The following PPP2R1A variants were observed in gnomAD, a reference collection of about 807,000 sequenced individuals.
PPP2R1A encodes the protein serine/threonine-protein phosphatase 2A 65 kDa regulatory subunit A alpha isoform.
In PPP2R1A, 15 loss-of-function variants were observed where a neutral mutation model predicts 67.1. The observed-to-expected ratio is 0.22, with a 90% CI of 0.15 to 0.34. The LOEUF is 0.34. Among genes scored for constraint, PPP2R1A ranks in the 10% least tolerant of loss-of-function variants. The pLI is 1.00. For missense variants in PPP2R1A, 369 were observed against 775.0 expected (o/e 0.48, Z 6.22); for synonymous variants, 337 against 325.0 (o/e 1.04, Z -0.40).
At chr19:52,200,618 C>T (rs1485968044) in intron 1 of PPP2R1A, among the ~76,000 whole-genome samples, 1 of 152,182 alleles carries the variant, frequency 6.6e-6, no homozygotes, top group Non-Finnish European at 1.5e-5. Flanking sequence ...TTTATTCTCT[C>T]ACAGTTCTGG....
rs2089668858 is a variant in PPP2R1A, at chr19:52,211,418, C to T, written c.429C>T (p.Ser143=). ...TGGCGGGCGGCGACTGGTTCACCTC[C>T]CGCACCTCGGCCTGCGGCCTCTTCT... The part of the protein sequence containing the change: ...KRLAGGDWFT[S]RTSACGLFSV... Residue 143 remains serine (S), a synonymous_variant, in exon 4 of 15, where the codon TCC becomes TCT. Transcript: ENST00000322088. This position sits in a 1 kb window ranked among gnomAD's most constrained non-coding sequence, Gnocchi z 5.3. 6.2e-7 allele frequency: 1 copy of T among 1,613,986 alleles called. No homozygotes were observed.
chr19:52,214,990 C>T (rs1332354566), intron 6 of PPP2R1A, among the ~76,000 whole-genome samples: 7 of 152,114 alleles, frequency 4.6e-5, no homozygotes, highest in Admixed American at 4.6e-4. Context: ...TCTCCCAAAG[C>T]GCTGGGATTA....
intron 1 of PPP2R1A, among the ~76,000 whole-genome samples, chr19:52,194,565 G>A (rs564332264): frequency 1.1e-3 from 165 of 152,194 alleles, no homozygotes; most frequent in Non-Finnish European, 1.9e-3. Flanking sequence ...CAGGACCAGT[G>A]TTAGCATGCA....
At position 52,212,495 on chromosome 19, in the gene PPP2R1A, C is replaced by T. The variant is rs2089679316; in HGVS notation, c.504-191C>T. On this transcript the variant is annotated intron_variant, in intron 4 of 14. Coordinates refer to ENST00000322088, the MANE Select transcript of PPP2R1A (RefSeq NM_014225.6). This position sits in a 1 kb window ranked among gnomAD's most constrained non-coding sequence, Gnocchi z 4.1. Reference sequence around the variant, plus strand: ...CTCACACACACTATTTTCATTTAAACCTCATGCGGACCTGTGGGGTAGGTA... The same window carrying T: ...CTCACACACACTATTTTCATTTAAATCTCATGCGGACCTGTGGGGTAGGTA... 1.6e-6 allele frequency: 1 copy of T among 623,018 alleles called. No individual in the cohort carries two copies. Among genetic ancestry groups the T allele is most frequent in the African/African-American group, 1.8e-5 (1 of 54,124 alleles). The allele number at this position is 623,018 out of a possible 1,614,324, so 38.6% of individuals were successfully genotyped here.
At chr19:52,192,988 A>G (rs958851942) in intron 1 of PPP2R1A, among the ~76,000 whole-genome samples, 2 of 152,264 alleles carry the variant, frequency 1.3e-5, no homozygotes, top group Non-Finnish European at 2.9e-5. Flanking sequence ...AACCCTTTGC[A>G]GGGAAAAAAT....
Position 52,216,868 on chromosome 19 carries a change from T to C in PPP2R1A, c.1128+205T>C, listed in dbSNP as rs1455003082. 1.3e-5 allele frequency among the ~76,000 whole-genome samples: 2 copies of C among 152,132 alleles called. No homozygotes were observed. Among genetic ancestry groups the C allele is most frequent in the Admixed American group, 1.3e-4 (2 of 15,272 alleles). On this transcript the variant is annotated intron_variant, in intron 9 of 14. Coordinates refer to ENST00000322088, the MANE Select transcript of PPP2R1A (RefSeq NM_014225.6). The surrounding 1 kb of genome is among the most constrained non-coding windows in gnomAD (Gnocchi z 4.3). The stretch of plus-strand genomic sequence containing the variant: ...CTCTTCATGAGGCCTTTCCTGGACA[T>C]GGAGGATATGAAAAATAGAAATTTA...
rs398035011 is a variant in PPP2R1A at position 52,213,457 on chromosome 19, G to GTTTTT, written c.807+373_807+377dup. 2.1e-4 allele frequency among the ~76,000 whole-genome samples: 15 copies of GTTTTT among 71,758 alleles called. No individual in the cohort carries two copies. The highest frequency in any genetic ancestry group is 3.8e-4 in the African/African-American group (7 of 18,374). 47.1% of individuals were successfully genotyped at this position (71,758 alleles called of 152,430 possible). ...GCCCAAAAAGGTGGGGTTTTTTGGT[G>GTTTTT]TTTTTTTTTTTTTTTTTTTTTTTTT... On this transcript the variant is annotated intron_variant, in intron 6 of 14. Transcript: ENST00000322088. This position sits in a 1 kb window ranked among gnomAD's most constrained non-coding sequence, Gnocchi z 4.2.
Position 52,222,100 on chromosome 19 carries a change from T to A in PPP2R1A, c.1520T>A (p.Val507Glu), listed in dbSNP as rs1978970542. 6.2e-7 allele frequency: 1 copy of A among 1,609,584 alleles called. No individual in the cohort carries two copies. The highest frequency in any genetic ancestry group is 1.3e-5 in the African/African-American group (1 of 74,998). The change falls in exon 13 of 15, where the codon GTG becomes GAG. Residue 507 changes from valine (V) to glutamate (E), a missense_variant and splice_region_variant. Val to Glu is a moderately radical substitution (Grantham distance 121). Around this residue, in one of 2 missense-constraint regions of PPP2R1A, gnomAD observed 276 missense variants for 508.4 expected, o/e 0.54. Coordinates refer to ENST00000322088, the MANE Select transcript of PPP2R1A (RefSeq NM_014225.6). Reference sequence around the variant, plus strand: ...CCCCTGCCACTCACTGGCCCCCAGGTGCTGTCTGAGGTCTGTGGGCAGGAC... The same window carrying A: ...CCCCTGCCACTCACTGGCCCCCAGGAGCTGTCTGAGGTCTGTGGGCAGGAC... Reference protein sequence around the residue: ...HRMTTLFCINVLSEVCGQDIT... With the variant: ...HRMTTLFCINELSEVCGQDIT...
intron 3 of PPP2R1A, among the ~76,000 whole-genome samples, 170 bp downstream of exon 3, chr19:52,206,233 T>C (rs535118313): frequency 4.2e-4 from 64 of 152,272 alleles, no homozygotes; most frequent in Middle Eastern, 3.4e-3. Context: ...TTTAATATCG[T>C]GAACTCAGGG....
intron 3 of PPP2R1A, among the ~76,000 whole-genome samples, chr19:52,210,623 C>T (rs1181957194): frequency 6.6e-6 from 1 of 151,784 alleles, no homozygotes; most frequent in Admixed American, 6.6e-5. Context: ...TCCCGAGTAG[C>T]TGGGATTACA....
intron 2 of PPP2R1A, among the ~76,000 whole-genome samples, chr19:52,202,425 C>A (rs1006435238): frequency 6.6e-6 from 1 of 152,204 alleles, no homozygotes; most frequent in Non-Finnish European, 1.5e-5. Flanking sequence ...GATATGCTTA[C>A]TGTATGCCAG....
Position 52,212,566 on chromosome 19 carries a change from G to C in PPP2R1A, c.504-120G>C. On this transcript the variant is annotated intron_variant, in intron 4 of 14. Coordinates refer to ENST00000322088, the MANE Select transcript of PPP2R1A (RefSeq NM_014225.6). The surrounding 1 kb of genome is among the most constrained non-coding windows in gnomAD (Gnocchi z 4.1). Reference sequence around the variant, plus strand: ...TCATAGGGCTGGGAAGACAGAGAGGGGGTCATCACTTGCCCAAGGTCATTC... The same window carrying C: ...TCATAGGGCTGGGAAGACAGAGAGGCGGTCATCACTTGCCCAAGGTCATTC... 1 of 1,195,024 alleles carries C rather than the reference G, an allele frequency of 8.4e-7. No homozygotes were observed. The highest frequency in any genetic ancestry group is 1.2e-6 in the Non-Finnish European group (1 of 858,368). 74.0% of individuals were successfully genotyped at this position (1,195,024 alleles called of 1,614,324 possible). A position where few individuals can be genotyped will look rare whatever the true frequency, so the allele number is the denominator to read the frequency against.
chr19:52,221,369 G>C (rs1978916554), intron 12 of PPP2R1A, among the ~76,000 whole-genome samples: 1 of 152,128 alleles, frequency 6.6e-6, no homozygotes, highest in Non-Finnish European at 1.5e-5. Context: ...CCAGGGCCTG[G>C]GAGACTTGAC....
intron 6 of PPP2R1A, among the ~76,000 whole-genome samples, chr19:52,214,443 G>T (rs1221726031): frequency 6.6e-6 from 1 of 152,188 alleles, no homozygotes; most frequent in Non-Finnish European, 1.5e-5. Flanking sequence ...TGCATAAACT[G>T]TGTCACACTG....
chr19:52,226,427 T>C lies in PPP2R1A; in HGVS notation c.*446T>C, dbSNP rs954898939. 20 of 264,384 alleles carry C rather than the reference T, an allele frequency of 7.6e-5. No individual in the cohort carries two copies. In the South Asian group the frequency reaches 1.8e-3, roughly 23 times the overall value. 16.4% of individuals were successfully genotyped at this position (264,384 alleles called of 1,614,324 possible). On this transcript the variant is annotated 3_prime_UTR_variant, in exon 15 of 15. Transcript: ENST00000322088. Reference sequence around the variant, plus strand: ...ATAAAGGTCTAGAAGTAGTTGGTCCTCTGGCCTTAGTCATCAGCTTGGAGG... The same window carrying C: ...ATAAAGGTCTAGAAGTAGTTGGTCCCCTGGCCTTAGTCATCAGCTTGGAGG...
chr19:52,204,686 G>A (rs8107377), intron 2 of PPP2R1A, among the ~76,000 whole-genome samples: 19,525 of 152,224 alleles, frequency 0.13, 1,304 homozygotes, highest in Non-Finnish European at 0.15. Flanking sequence ...TTTTAACTGT[G>A]TGCAGAGGGA....
intron 2 of PPP2R1A, among the ~76,000 whole-genome samples, chr19:52,205,463 G>A (rs1464397743): frequency 6.6e-6 from 1 of 152,102 alleles, no homozygotes; most frequent in African/African-American, 2.4e-5. Flanking sequence ...GAGAGACTGA[G>A]CCCAGAGAAG....
intron 3 of PPP2R1A, among the ~76,000 whole-genome samples, chr19:52,208,067 G>A (rs7251605): frequency 0.23 from 34,942 of 152,170 alleles, 4,382 homozygotes; most frequent in African/African-American, 0.31. Context: ...TGGAAACCCA[G>A]AGATGTGTCA....
At chr19:52,215,098 C>T (rs895437476) in intron 6 of PPP2R1A, among the ~76,000 whole-genome samples, 5 of 152,188 alleles carry the variant, frequency 3.3e-5, no homozygotes, top group Non-Finnish European at 5.9e-5. Context: ...CACCATCACC[C>T]AGGCTGGAGT....
Sources: allele counts gnomAD v4.1 joint callset (sites outside exome capture counted in the v4.1 genomes callset), GRCh38; gene constraint gnomAD v4.1.1; regional missense constraint gnomAD v4.1.1; non-coding constraint Gnocchi (gnomAD v3.1); transcripts MANE v1.5; gene names NCBI Gene and HGNC (gene_info 2026-07-23, HGNC 2026-07-21).